The following LRP2 variants were observed in gnomAD, a reference collection of about 807,000 sequenced individuals.
LRP2 encodes the protein LDL receptor related protein 2.
A neutral mutation model predicts 531.0 loss-of-function variants in LRP2; 172 were observed. The ratio of observed to expected loss-of-function variants is 0.32; its 90% CI spans 0.29 to 0.37. The LOEUF (loss-of-function observed/expected upper bound fraction) is 0.37, where lower values mean the gene tolerates loss of function less well. Ranked by LOEUF, LRP2 falls within the 10% of genes least tolerant of loss-of-function variation. The pLI, the probability that LRP2 is intolerant of heterozygous loss-of-function variation, is 1.00. For missense variants in LRP2, 5,167 were observed against 5,868.3 expected (o/e 0.88, Z 3.90); for synonymous variants, 1,992 against 2,027.6 (o/e 0.98, Z 0.47).
chr2:169,313,700 C>T (rs1684681556), intron 3 of LRP2, among the ~76,000 whole-genome samples: 1 of 152,154 alleles, frequency 6.6e-6, no homozygotes, highest in Admixed American at 6.5e-5. Flanking sequence ...AGATCTCAAA[C>T]TCTGTGCTGG....
At chr2:169,242,625 T>C (rs1689849511) in intron 24 of LRP2, among the ~76,000 whole-genome samples, 2 of 152,140 alleles carry the variant, frequency 1.3e-5, no homozygotes, top group Admixed American at 6.5e-5. Context: ...CAGTAAAATA[T>C]CTTTATATGG....
At chr2:169,195,312 C>T (rs1325666647) in intron 46 of LRP2, among the ~76,000 whole-genome samples, 1 of 151,836 alleles carries the variant, frequency 6.6e-6, no homozygotes, top group Non-Finnish European at 1.5e-5. Context: ...TAGTAAGACT[C>T]CATCTGTTTT....
chr2:169,244,600 G>T (rs1046136816), intron 22 of LRP2, 93 bp downstream of exon 22: 4 of 1,513,008 alleles, frequency 2.6e-6, no homozygotes, highest in African/African-American at 1.4e-5. Flanking sequence ...AATGAAAATT[G>T]CATGAGCCTT....
Position 169,334,613 on chromosome 2 carries a change from T to C in LRP2, c.80-13729A>G, listed in dbSNP as rs143338024. ...AATCGCCAGAAAGCCAAGAGATGCA[T>C]GGCTTTCAACTCTGGCAAAGCACTG... On this transcript the variant is annotated intron_variant, in intron 1 of 78. Coordinates refer to ENST00000649046, the MANE Select transcript of LRP2 (RefSeq NM_004525.3). Among the ~76,000 whole-genome samples, 453 of 152,304 alleles carry C rather than the reference T, an allele frequency of 3.0e-3. 2 individuals are homozygous for C. The highest frequency in any genetic ancestry group is 0.01 in the African/African-American group (431 of 41,574).
rs192849943 is a variant in LRP2 at position 169,132,622 on chromosome 2, C to A, written c.13680G>T (p.Glu4560Asp). The A allele has an allele frequency of 3.7e-5, 59 of 1,611,876 alleles. No homozygotes were observed. The African/African-American group carries it at 7.3e-4, about 20-fold the overall frequency. ...AAGTTGGGTTTGTCTCTGGAACTAT[C>A]TCAGAAGGGTTTATGGGACTTCCAT... ...KNYGSPINPSEIVPETNPTSP... is the reference protein window; with the variant it reads ...KNYGSPINPSDIVPETNPTSP... Residue 4560 changes from glutamate to aspartate, a missense_variant, in exon 77 of 79, where the codon GAG (glutamate) becomes GAT (aspartate). Glu to Asp is a conservative substitution (Grantham distance 45). Transcript: ENST00000649046.
In LRP2 at chr2:169,157,433, C is replaced by T; in HGVS notation, c.11957G>A (p.Gly3986Glu). 7.1e-7 allele frequency: 1 copy of T among 1,406,474 alleles called. No individual in the cohort carries two copies. The highest frequency in any genetic ancestry group is 1.0e-6 in the Non-Finnish European group (1 of 992,876). The allele number at this position is 1,406,474 out of a possible 1,614,324, so 87.1% of individuals were successfully genotyped here. A position where few individuals can be genotyped will look rare whatever the true frequency, so the allele number is the denominator to read the frequency against. Residue 3986 changes from glycine to glutamate, a missense_variant, in exon 64 of 79, where the codon GGA becomes GAA. By Grantham distance (98) the Gly-to-Glu change is moderately conservative. Transcript: ENST00000649046. ...CCCAGCTGTACAGGAGCAGATAAATCCTCCTTCATTTAATTGGGTACAATT... is the reference window on the plus strand; with the variant it reads ...CCCAGCTGTACAGGAGCAGATAAATTCTCCTTCATTTAATTGGGTACAATT... ...EQNCTQLNEG[G>E]FICSCTAGFE...
chr2:169,292,758 G>C (rs1037975074), intron 6 of LRP2, among the ~76,000 whole-genome samples: 1 of 151,330 alleles, frequency 6.6e-6, no homozygotes, highest in Non-Finnish European at 1.5e-5. Flanking sequence ...AGCCTGGTGG[G>C]GGTGTGTGGA....
rs769195247 is a variant in LRP2 at position 169,291,011 on chromosome 2, AAG to A, written c.770-16_770-15del. 7.4e-6 allele frequency: 12 copies of A among 1,613,694 alleles called. No homozygotes were observed. The South Asian group carries it at 8.8e-5, about 12-fold the overall frequency. On this transcript the variant is annotated splice_polypyrimidine_tract_variant and intron_variant, in intron 7 of 78. Coordinates refer to ENST00000649046, the MANE Select transcript of LRP2 (RefSeq NM_004525.3). The stretch of plus-strand genomic sequence containing the variant: ...GAGGACCGCTTTCTGTGGGGGGAAA[AAG>A]AGAGAGTTACAGGCCATAGGGGAGG...
At chr2:169,260,229 C>CA (rs1434200312) in intron 16 of LRP2, among the ~76,000 whole-genome samples, 1 of 151,970 alleles carries the variant, frequency 6.6e-6, no homozygotes, top group East Asian at 1.9e-4. Context: ...GGCCAAGAGA[C>CA]AAAAATAAAA....
At chr2:169,133,876 G>C (rs1685379953) in intron 76 of LRP2, among the ~76,000 whole-genome samples, 1 of 152,080 alleles carries the variant, frequency 6.6e-6, no homozygotes, top group Non-Finnish European at 1.5e-5. Context: ...CACCCATCAG[G>C]CTCAGCAAAT....
At chr2:169,362,154 G>A (rs2161038) in intron 1 of LRP2, among the ~76,000 whole-genome samples, 167 bp downstream of exon 1, 1 of 152,128 alleles carries the variant, frequency 6.6e-6, no homozygotes, top group African/African-American at 2.4e-5. Flanking sequence ...GGGCGCTCCC[G>A]CTCCGGCTTC....
chr2:169,244,826 G>A lies in LRP2; in HGVS notation c.3297C>T (p.His1099=). ...RNDCVDGSDE[H]NCPTHAPASC... ...AAGCAGGTGCGTGGGTGGGGCAGTT[G>A]TGCTCATCACTGCCATCCACACAGT... The change falls in exon 22 of 79, where the codon CAC becomes CAT. Residue 1099 remains histidine, a synonymous_variant. Transcript: ENST00000649046. The A allele has an allele frequency of 6.2e-7, 1 of 1,614,242 alleles. No individual in the cohort carries two copies. Among genetic ancestry groups the A allele is most frequent in the Non-Finnish European group, 8.5e-7 (1 of 1,180,040 alleles).
chr2:169,228,661 T>A (rs1441809538), intron 31 of LRP2, among the ~76,000 whole-genome samples: 4 of 152,178 alleles, frequency 2.6e-5, no homozygotes, highest in Non-Finnish European at 5.9e-5. Flanking sequence ...TTCCTGGGGA[T>A]CATGTCTCAA....
chr2:169,320,102 C>T (rs1283671704), intron 2 of LRP2, among the ~76,000 whole-genome samples: 1 of 152,158 alleles, frequency 6.6e-6, no homozygotes. Flanking sequence ...CATAGACTTA[C>T]CAACTGTAAG....
chr2:169,241,266 C>A lies in LRP2; in HGVS notation c.3767G>T (p.Cys1256Phe). ...ATTGTGCTCATCAGATCCATAGAGG[C>A]AGTCTGGATGCCCATCACATTCCCA... ...NFWECDGHPDCLYGSDEHNAC... is the reference protein window; with the variant it reads ...NFWECDGHPDFLYGSDEHNAC... Residue 1256 changes from cysteine to phenylalanine, a missense_variant, in exon 25 of 79, where the codon TGC becomes TTC. Cys to Phe is a radical substitution (Grantham distance 205, BLOSUM62 -2). Transcript: ENST00000649046. 6.2e-7 allele frequency: 1 copy of A among 1,614,182 alleles called. No homozygotes were observed. Among genetic ancestry groups the A allele is most frequent in the Non-Finnish European group, 8.5e-7 (1 of 1,180,030 alleles).
chr2:169,314,749 A>T lies in LRP2; in HGVS notation c.310+4013T>A, dbSNP rs115626457. Among the ~76,000 whole-genome samples, 1,458 of 152,312 alleles carry T rather than the reference A, an allele frequency of 9.6e-3. 27 individuals are homozygous for T. Among genetic ancestry groups the T allele is most frequent in the African/African-American group, 0.033 (1,371 of 41,558 alleles). ...ATTTTACTTCTATTAATAAAGGCAG[A>T]ATAGATAGATTTTTCCAGAAGGCAC... On this transcript the variant is annotated intron_variant, in intron 3 of 78. Coordinates refer to ENST00000649046, the MANE Select transcript of LRP2 (RefSeq NM_004525.3).
intron 48 of LRP2, among the ~76,000 whole-genome samples, chr2:169,190,352 A>C (rs1167653646): frequency 6.6e-6 from 1 of 152,218 alleles, no homozygotes; most frequent in Non-Finnish European, 1.5e-5. Flanking sequence ...ACCTCTCAGC[A>C]ATGTCCACTC....
At chr2:169,159,084 A>G (rs1686472745) in intron 63 of LRP2, among the ~76,000 whole-genome samples, 1 of 152,160 alleles carries the variant, frequency 6.6e-6, no homozygotes, top group Non-Finnish European at 1.5e-5. Context: ...CCCCAAACCT[A>G]GGTCTTACAG....
chr2:169,225,498 C>G, intron 32 of LRP2, 45 bp from the exon 33 acceptor site: 1 of 1,611,470 alleles, frequency 6.2e-7, no homozygotes, highest in Non-Finnish European at 8.5e-7. Flanking sequence ...AAGGCCATGG[C>G]TCCTACAAAA....
Sources: gnomAD v4.1 joint callset for allele counts (sites outside exome capture counted in the v4.1 genomes callset) on GRCh38, gnomAD v4.1.1 for gene constraint, MANE v1.5 for transcripts, NCBI Gene and HGNC (gene_info 2026-07-23, HGNC 2026-07-21) for gene names.